AKAIN1: variants seen among roughly 807,000 people sequenced by gnomAD.
The protein encoded by AKAIN1 is A-kinase anchor protein inhibitor 1.
A neutral mutation model predicts 3.7 loss-of-function variants in AKAIN1; 3 were observed. That is an observed-to-expected ratio of 0.82 (90% confidence interval 0.37 to 2.12). The LOEUF is 2.12. AKAIN1 is among the 30% of genes most tolerant of loss of function. The pLI, the probability that AKAIN1 is intolerant of heterozygous loss-of-function variation, is 0.06. For missense variants in AKAIN1, 82 were observed against 82.7 expected (o/e 0.99, Z 0.03); for synonymous variants, 31 against 30.8 (o/e 1.01, Z -0.02).
chr18:5,163,196 GTCCCAAAGTGCAAA>G (rs1354662946), intron 1 of AKAIN1, among the ~76,000 whole-genome samples: 6 of 151,424 alleles, frequency 4.0e-5, no homozygotes, highest in South Asian at 2.1e-4. Context: ...CAAAGTGCAA[GTCCCAAAGTGCAAA>G]TTCTGCCTTT....
At chr18:5,167,804 C>G (rs1427539070) in intron 1 of AKAIN1, among the ~76,000 whole-genome samples, 1 of 152,048 alleles carries the variant, frequency 6.6e-6, no homozygotes, top group African/African-American at 2.4e-5. Flanking sequence ...CAGCAGTGCT[C>G]TATGCCATTC....
chr18:5,170,762 T>C (rs970467165), intron 1 of AKAIN1: 2 of 152,082 alleles, frequency 1.3e-5, no homozygotes, highest in African/African-American at 4.8e-5. Flanking sequence ...CAGAATATGG[T>C]AGAAGAAAAA....
At chr18:5,192,566 G>C (rs1319844962) in intron 1 of AKAIN1, among the ~76,000 whole-genome samples, 1 of 151,930 alleles carries the variant, frequency 6.6e-6, no homozygotes, top group African/African-American at 2.4e-5. Context: ...ATGAGAAAGT[G>C]GGCCCTCTCC....
At chr18:5,156,376 G>A (rs939009889) in intron 1 of AKAIN1, among the ~76,000 whole-genome samples, 2 of 152,188 alleles carry the variant, frequency 1.3e-5, no homozygotes, top group Admixed American at 6.5e-5. Flanking sequence ...TCATCAGAAA[G>A]TGCAAGTCTA....
At chr18:5,183,702 A>G (rs2071271783) in intron 1 of AKAIN1, among the ~76,000 whole-genome samples, 1 of 152,138 alleles carries the variant, frequency 6.6e-6, no homozygotes, top group Non-Finnish European at 1.5e-5. Flanking sequence ...GTTACTGCAA[A>G]CACTTAATTA....
intron 1 of AKAIN1, among the ~76,000 whole-genome samples, chr18:5,183,198 A>T (rs1443158676): frequency 6.6e-6 from 1 of 152,108 alleles, no homozygotes; most frequent in Non-Finnish European, 1.5e-5. Context: ...TACATAAAAG[A>T]CAACTGAATG....
rs2071353121 is a variant in AKAIN1 at position 5,197,129 on chromosome 18, T to C, written c.-76A>G. 6.5e-7 allele frequency: 1 copy of C among 1,545,608 alleles called. No individual in the cohort carries two copies. Among genetic ancestry groups the C allele is most frequent in the Non-Finnish European group, 8.7e-7 (1 of 1,146,262 alleles). On this transcript the variant is annotated 5_prime_UTR_variant, in exon 1 of 2. Coordinates refer to ENST00000434239, the MANE Select transcript of AKAIN1 (RefSeq NM_001145194.2). The surrounding 1 kb of genome is among the most constrained non-coding windows in gnomAD (Gnocchi z 6.9). The stretch of plus-strand genomic sequence containing the variant: ...CGGAGGATGGGAAGAAGGCCGGACT[T>C]GGCGGGGTCCGGTGCAGGAGGGCGC...
intron 1 of AKAIN1, among the ~76,000 whole-genome samples, chr18:5,152,236 C>T (rs1017251288): frequency 4.6e-5 from 7 of 152,184 alleles, no homozygotes; most frequent in African/African-American, 1.7e-4. Flanking sequence ...TTCCTACAGA[C>T]AGGATAGCTG....
chr18:5,171,098 G>T (rs927850318), intron 1 of AKAIN1: 10 of 152,106 alleles, frequency 6.6e-5, no homozygotes, highest in Non-Finnish European at 1.3e-4. Context: ...GGGTCATGTT[G>T]TTAAGCCACA....
intron 1 of AKAIN1, among the ~76,000 whole-genome samples, chr18:5,151,617 AC>A (rs1478916897): frequency 6.6e-6 from 1 of 152,210 alleles, no homozygotes; most frequent in Non-Finnish European, 1.5e-5. Context: ...TTTGAGTGAT[AC>A]TGTCTATTAC....
At chr18:5,153,735 C>T (rs2043642067) in intron 1 of AKAIN1, among the ~76,000 whole-genome samples, 1 of 152,150 alleles carries the variant, frequency 6.6e-6, no homozygotes, top group South Asian at 2.1e-4. Flanking sequence ...TAATGATGGA[C>T]ACGTCATTGC....
chr18:5,181,137 TA>T lies in AKAIN1; in HGVS notation c.16+15900del, dbSNP rs1339255151. The stretch of plus-strand genomic sequence containing the variant: ...CCCCATCTCTTAAAAAAAAAAAAAG[TA>T]AAATTTAGCCAGGCATGGTGGCACA... On this transcript the variant is annotated intron_variant, in intron 1 of 1. Transcript: ENST00000434239. 4.7e-5 allele frequency among the ~76,000 whole-genome samples: 7 copies of T among 148,086 alleles called. No individual in the cohort carries two copies. The South Asian group carries it at 1.5e-3, about 32-fold the overall frequency.
intron 1 of AKAIN1, among the ~76,000 whole-genome samples, chr18:5,173,355 G>A (rs757730961): frequency 6.6e-6 from 1 of 152,096 alleles, no homozygotes; most frequent in Non-Finnish European, 1.5e-5. Context: ...TCAAGAAACT[G>A]ACATTTTCCC....
At chr18:5,196,937 C>T in intron 1 of AKAIN1, 101 bp downstream of exon 1, 1 of 1,081,826 alleles carries the variant, frequency 9.2e-7, no homozygotes, top group South Asian at 1.4e-5. Flanking sequence ...CCGAAACGCG[C>T]AGATGGGCCG....
chr18:5,173,050 C>A (rs1037796587), intron 1 of AKAIN1, among the ~76,000 whole-genome samples: 11 of 152,110 alleles, frequency 7.2e-5, no homozygotes, highest in African/African-American at 1.4e-4. Context: ...TAAAATCCCA[C>A]AAGCTGATAT....
At chr18:5,178,489 G>T (rs1056405877) in intron 1 of AKAIN1, among the ~76,000 whole-genome samples, 5 of 152,082 alleles carry the variant, frequency 3.3e-5, no homozygotes, top group Non-Finnish European at 7.4e-5. Context: ...GAGGGGAAAG[G>T]CCCCTATATG....
At chr18:5,166,055 C>T (rs1347329823) in intron 1 of AKAIN1, among the ~76,000 whole-genome samples, 1 of 151,968 alleles carries the variant, frequency 6.6e-6, no homozygotes, top group Non-Finnish European at 1.5e-5. Context: ...TGTGAAAAGC[C>T]ATTATATTCA....
intron 1 of AKAIN1, among the ~76,000 whole-genome samples, chr18:5,158,123 C>G (rs1029937636): frequency 1.3e-5 from 2 of 152,210 alleles, no homozygotes; most frequent in African/African-American, 4.8e-5. Context: ...AAGGGGATGA[C>G]TCCCTTTGTT....
At chr18:5,171,996 G>A (rs934777137) in intron 1 of AKAIN1, among the ~76,000 whole-genome samples, 8 of 152,070 alleles carry the variant, frequency 5.3e-5, no homozygotes, top group African/African-American at 1.7e-4. Flanking sequence ...ACATAATGGA[G>A]TACTATTCAG....
Sources: gnomAD v4.1 joint callset for allele counts (sites outside exome capture counted in the v4.1 genomes callset) on GRCh38, gnomAD v4.1.1 for gene constraint, Gnocchi (gnomAD v3.1) non-coding constraint, MANE v1.5 for transcripts, NCBI Gene and HGNC (gene_info 2026-07-23, HGNC 2026-07-21) for gene names.